NCBP3: variants seen among roughly 807,000 people sequenced by gnomAD.
NCBP3 encodes nuclear cap-binding protein subunit 3.
In NCBP3, 20 loss-of-function variants were observed where a neutral mutation model predicts 75.7. The ratio of observed to expected loss-of-function variants is 0.26; its 90% CI spans 0.19 to 0.38. The LOEUF (loss-of-function observed/expected upper bound fraction) is 0.38. Ranked by LOEUF, NCBP3 falls within the 10% of genes least tolerant of loss-of-function variation. The pLI, the probability that NCBP3 is intolerant of heterozygous loss-of-function variation, is 1.00. For synonymous variants in NCBP3, 293 were observed against 290.5 expected (o/e 1.01, Z -0.09); for missense variants, 678 against 796.9 (o/e 0.85, Z 1.80).
At position 3,846,216 on chromosome 17, in the gene NCBP3, G is replaced by T; in HGVS notation, c.8C>A (p.Ala3Asp). 1 of 1,437,500 alleles carries T rather than the reference G, an allele frequency of 7.0e-7. No individual in the cohort carries two copies. Among genetic ancestry groups the T allele is most frequent in the Non-Finnish European group, 9.1e-7 (1 of 1,101,436 alleles). The allele number at this position is 1,437,500 out of a possible 1,614,324, so 89.0% of individuals were successfully genotyped here. MA[A>D]VRGLRVSVKA... ...CACCGACACCCGCAGGCCCCGTACG[G>T]CCGCCATCGCTGCCTGCCGGCCGCA... Residue 3 changes from alanine (A) to aspartate (D), a missense_variant, in exon 1 of 13, where the codon GCC becomes GAC. Physicochemically the swap from Ala to Asp is moderately radical, Grantham distance 126 (BLOSUM62 -2). Transcript: ENST00000389005. This position sits in a 1 kb window ranked among gnomAD's most constrained non-coding sequence, Gnocchi z 4.6.
rs1015645005 is a variant in NCBP3, at chr17:3,818,210, T to C, written c.1310+53A>G. 14 of 1,261,286 alleles carry C rather than the reference T, an allele frequency of 1.1e-5. No individual in the cohort carries two copies. Among genetic ancestry groups the C allele is most frequent in the African/African-American group, 1.5e-5 (1 of 66,564 alleles). 78.1% of individuals were successfully genotyped at this position (1,261,286 alleles called of 1,614,324 possible). A position where few individuals can be genotyped will look rare whatever the true frequency, so the allele number is the denominator to read the frequency against. ...AAAATTAGGAGGAATTAAGAAGTTA[T>C]ACTAGTATTTAAAATCAAATTAAAA... On this transcript the variant is annotated intron_variant, in intron 10 of 12. Coordinates refer to ENST00000389005, the MANE Select transcript of NCBP3 (RefSeq NM_001114118.3). This position sits in a 1 kb window ranked among gnomAD's most constrained non-coding sequence, Gnocchi z 4.7.
Position 3,818,287 on chromosome 17 carries a change from A to T in NCBP3, c.1286T>A (p.Val429Glu). The change falls in exon 10 of 13, where the codon GTG (valine) becomes GAG (glutamate). Residue 429 changes from valine to glutamate, a missense_variant. By Grantham distance (121) the Val-to-Glu change is moderately radical (BLOSUM62 -2). Around this residue, in one of 7 missense-constraint regions of NCBP3, gnomAD observed 365 missense variants for 392.7 expected, o/e 0.93. Transcript: ENST00000389005. The surrounding 1 kb of genome is among the most constrained non-coding windows in gnomAD (Gnocchi z 4.7). ...CCTAATATTTTTCAACTGAGATTCC[A>T]CTTCGTCAGCATACATAGTCATTTT... ...SMKMTMYADE[V>E]ESQLKNIRNS... 6.3e-7 allele frequency: 1 copy of T among 1,589,882 alleles called. No individual in the cohort carries two copies. The highest frequency in any genetic ancestry group is 8.6e-7 in the Non-Finnish European group (1 of 1,168,234).
At chr17:3,819,600 A>G (rs923971337) in intron 9 of NCBP3, among the ~76,000 whole-genome samples, 1 of 152,060 alleles carries the variant, frequency 6.6e-6, no homozygotes, top group African/African-American at 2.4e-5. Context: ...AAACAAGGTT[A>G]CATATTGATC....
intron 3 of NCBP3, among the ~76,000 whole-genome samples, chr17:3,835,241 T>C (rs2053953472): frequency 6.6e-6 from 1 of 152,252 alleles, no homozygotes; most frequent in African/African-American, 2.4e-5. Flanking sequence ...AAGTACATGA[T>C]GAGAAAGACT....
In NCBP3 at chr17:3,812,964, G is replaced by T. The variant is rs2053448064; in HGVS notation, c.*80C>A. 6.3e-7 allele frequency: 1 copy of T among 1,580,858 alleles called. No individual in the cohort carries two copies. The highest frequency in any genetic ancestry group is 8.6e-7 in the Non-Finnish European group (1 of 1,163,808). ...CAGGAGCGAGAGGGCGCCAGCTCCT[G>T]CGGGGGAGGTTCCTACTGCGCGCCC... On this transcript the variant is annotated 3_prime_UTR_variant, in exon 13 of 13. Transcript: ENST00000389005.
chr17:3,818,235 A>AGC lies in NCBP3; in HGVS notation c.1310+26_1310+27dup. Reference sequence around the variant, plus strand: ...TACTAGTATTTAAAATCAAATTAAAAGCTAGCTTTGATAAAACAAATTTTT... The same window carrying AGC: ...TACTAGTATTTAAAATCAAATTAAAAGCGCTAGCTTTGATAAAACAAATTTTT... On this transcript the variant is annotated intron_variant, in intron 10 of 12. Transcript: ENST00000389005. The surrounding 1 kb of genome is among the most constrained non-coding windows in gnomAD (Gnocchi z 4.7). The AGC allele has an allele frequency of 6.9e-7, 1 of 1,459,720 alleles. No individual in the cohort carries two copies. Among genetic ancestry groups the AGC allele is most frequent in the African/African-American group, 1.4e-5 (1 of 70,706 alleles). 90.4% of individuals were successfully genotyped at this position (1,459,720 alleles called of 1,614,324 possible).
intron 11 of NCBP3, among the ~76,000 whole-genome samples, chr17:3,814,767 A>T (rs1192811551): frequency 6.6e-6 from 1 of 152,156 alleles, no homozygotes; most frequent in Non-Finnish European, 1.5e-5. Flanking sequence ...AAGAAGACTA[A>T]GTAATTTACA....
Position 3,812,694 on chromosome 17 carries a change from G to A in NCBP3, c.*350C>T. The A allele has an allele frequency of 9.2e-7, 1 of 1,084,020 alleles. No individual in the cohort carries two copies. The highest frequency in any genetic ancestry group is 1.1e-6 in the Non-Finnish European group (1 of 888,900). The allele number at this position is 1,084,020 out of a possible 1,614,324, so 67.2% of individuals were successfully genotyped here. A position where few individuals can be genotyped will look rare whatever the true frequency, so the allele number is the denominator to read the frequency against. Reference sequence around the variant, plus strand: ...GCAATAGTGAGAAGTTCAGTTCTCTGCTCTTTGGATGAACTGTGTAAAACA... The same window carrying A: ...GCAATAGTGAGAAGTTCAGTTCTCTACTCTTTGGATGAACTGTGTAAAACA... On this transcript the variant is annotated 3_prime_UTR_variant, in exon 13 of 13. Coordinates refer to ENST00000389005, the MANE Select transcript of NCBP3 (RefSeq NM_001114118.3).
rs1363538835 is a variant in NCBP3 at position 3,810,664 on chromosome 17, GA to G, written c.*2379del. On this transcript the variant is annotated 3_prime_UTR_variant, in exon 13 of 13. Coordinates refer to ENST00000389005, the MANE Select transcript of NCBP3 (RefSeq NM_001114118.3). ...ACTGAGAGTGGGCAGGAGGGTTAGA[GA>G]AACTAATAAGGCCAGTAACTCCGAG... is the stretch of plus-strand genomic sequence containing the variant. 6.6e-6 allele frequency: 1 copy of G among 152,218 alleles called. No homozygotes were observed. Among genetic ancestry groups the G allele is most frequent in the Admixed American group, 6.5e-5 (1 of 15,272 alleles). The allele number at this position is 152,218 out of a possible 1,614,324, so 9.4% of individuals were successfully genotyped here.
chr17:3,834,601 C>T (rs1000960740), intron 3 of NCBP3, among the ~76,000 whole-genome samples: 2 of 152,192 alleles, frequency 1.3e-5, no homozygotes, highest in Admixed American at 6.5e-5. Context: ...CATGGAGAAA[C>T]CTCATCTCTA....
Position 3,816,109 on chromosome 17 carries a change from A to C in NCBP3, c.1465+7T>G, listed in dbSNP as rs758400522. ...ATCCAGCCAGGAATCCAAGTGAGGA[A>C]CAGTACCTGATTTAGTACTGCTGAC... On this transcript the variant is annotated splice_region_variant and intron_variant, in intron 11 of 12. Transcript: ENST00000389005. 2 of 1,611,136 alleles carry C rather than the reference A, an allele frequency of 1.2e-6. No homozygotes were observed. The highest frequency in any genetic ancestry group is 2.7e-5 in the African/African-American group (2 of 74,834).
In NCBP3 at chr17:3,818,381, C is replaced by A. The variant is rs751377137; in HGVS notation, c.1192G>T (p.Asp398Tyr). The A allele has an allele frequency of 1.9e-6, 3 of 1,614,164 alleles. No individual in the cohort carries two copies. The Admixed American group carries it at 5.0e-5, about 27-fold the overall frequency. Residue 398 changes from aspartate (D) to tyrosine (Y), a missense_variant, in exon 10 of 13, where the codon GAC (aspartate) becomes TAC (tyrosine). Physicochemically the swap from Asp to Tyr is radical, Grantham distance 160 (BLOSUM62 -3). Transcript: ENST00000389005. This position sits in a 1 kb window ranked among gnomAD's most constrained non-coding sequence, Gnocchi z 4.7. ...ASRRSSASSS[D>Y]SDEMDYDLEL... ...AGATCATAGTCCATTTCATCTGAGT[C>A]TGAGCTGCTGGCACTGGATCGTCTA...
intron 12 of NCBP3, among the ~76,000 whole-genome samples, chr17:3,813,716 C>T (rs1451655126): frequency 2.6e-5 from 4 of 152,126 alleles, no homozygotes; most frequent in East Asian, 1.9e-4. Flanking sequence ...ATTTTGTAGA[C>T]GGCCACATTA....
chr17:3,845,659 C>G (rs564214876), intron 1 of NCBP3, among the ~76,000 whole-genome samples: 1 of 152,322 alleles, frequency 6.6e-6, no homozygotes, highest in Admixed American at 6.5e-5. Flanking sequence ...GCTGGCGCCA[C>G]CCAACAGCTC....
At chr17:3,835,127 T>TA (rs1479445145) in intron 3 of NCBP3, among the ~76,000 whole-genome samples, 2 of 152,172 alleles carry the variant, frequency 1.3e-5, no homozygotes, top group Non-Finnish European at 2.9e-5. Context: ...AAGGTAGAGT[T>TA]ACGATGAAAA....
chr17:3,832,497 GGCA>G lies in NCBP3; in HGVS notation c.356-3132_356-3130del, dbSNP rs754659472. ...TACAAAACAATTAGCCAGGTGTGGT[GGCA>G]GGCACCTGTAGTCCCAGCTACTCGG... On this transcript the variant is annotated intron_variant, in intron 3 of 12. Transcript: ENST00000389005. Among the ~76,000 whole-genome samples the G allele has an allele frequency of 5.0e-5, 6 of 119,406 alleles. 1 individual carries two copies. Among genetic ancestry groups the G allele is most frequent in the South Asian group, 6.0e-4 (2 of 3,308 alleles). The allele number at this position is 119,406 out of a possible 152,430, so 78.3% of individuals were successfully genotyped here.
intron 3 of NCBP3, among the ~76,000 whole-genome samples, chr17:3,834,766 C>G (rs1355634369): frequency 6.6e-6 from 1 of 151,916 alleles, no homozygotes; most frequent in African/African-American, 2.4e-5. Context: ...AAATAAATAA[C>G]CAAATCTTTC....
Position 3,840,144 on chromosome 17 carries a change from A to G in NCBP3, c.311T>C (p.Leu104Pro). The G allele has an allele frequency of 6.4e-7, 1 of 1,551,742 alleles. No homozygotes were observed. The highest frequency in any genetic ancestry group is 8.7e-7 in the Non-Finnish European group (1 of 1,146,988). The stretch of plus-strand genomic sequence containing the variant: ...GTCCAAGGCTACATTTCTTTGGGCA[A>G]GATTTACTTCCGATCGAAAATGGAA... ...KRFHFRSEVN[L>P]AQRNVALDRD... Residue 104 changes from leucine (L) to proline (P), a missense_variant, in exon 3 of 13, where the codon CTT becomes CCT. By Grantham distance (98) the Leu-to-Pro change is moderately conservative (BLOSUM62 -3). Coordinates refer to ENST00000389005, the MANE Select transcript of NCBP3 (RefSeq NM_001114118.3).
intron 5 of NCBP3, 101 bp from the exon 6 acceptor site, chr17:3,825,944 TCTC>T (rs1183224601): frequency 7.1e-7 from 1 of 1,404,656 alleles, no homozygotes; most frequent in Non-Finnish European, 9.8e-7. Flanking sequence ...TCCAGTATTT[TCTC>T]CTATTTCCTG....
Sources: allele counts gnomAD v4.1 joint callset (sites outside exome capture counted in the v4.1 genomes callset), GRCh38; gene constraint gnomAD v4.1.1; regional missense constraint gnomAD v4.1.1; non-coding constraint Gnocchi (gnomAD v3.1); transcripts MANE v1.5; gene names NCBI Gene and HGNC (gene_info 2026-07-23, HGNC 2026-07-21).